ACTR10: variants seen among roughly 807,000 people sequenced by gnomAD.
ACTR10 encodes the protein actin related protein 10.
A neutral mutation model predicts 56.2 loss-of-function variants in ACTR10; 43 were observed. The ratio of observed to expected loss-of-function variants is 0.77; its 90% CI spans 0.60 to 0.99. ACTR10 has a LOEUF of 0.99. Among genes scored for constraint, ACTR10 ranks in the 50% least tolerant of loss-of-function variants. The probability of loss-of-function intolerance (pLI) is 0.00; values close to 1 mark genes in which losing one functional copy is unlikely to be tolerated. For synonymous variants in ACTR10, 170 were observed against 176.3 expected (o/e 0.96, Z 0.28); for missense variants, 466 against 507.8 (o/e 0.92, Z 0.79).
intron 12 of ACTR10, among the ~76,000 whole-genome samples, chr14:58,233,566 A>G (rs1889596395): frequency 6.6e-6 from 1 of 152,218 alleles, no homozygotes; most frequent in Admixed American, 6.5e-5. Flanking sequence ...TATTGGTAAG[A>G]CTTCTCAGTC....
chr14:58,234,322 CT>C lies in ACTR10; in HGVS notation c.1073-47del, dbSNP rs1374018038. On this transcript the variant is annotated intron_variant, in intron 12 of 12. Coordinates refer to ENST00000254286, the MANE Select transcript of ACTR10 (RefSeq NM_018477.3). ...TAGATGTATGTGTACATAAAGTTTT[CT>C]GGTAAAAGTTTTCATCTTAGCTATA... 2.0e-6 allele frequency: 3 copies of C among 1,491,568 alleles called. 1 individual carries two copies. In the South Asian group the frequency reaches 4.3e-5, roughly 21 times the overall value. 92.4% of individuals were successfully genotyped at this position (1,491,568 alleles called of 1,614,324 possible). A position where few individuals can be genotyped will look rare whatever the true frequency, so the allele number is the denominator to read the frequency against.
chr14:58,200,310 G>A lies in ACTR10; in HGVS notation c.77+16G>A, dbSNP rs1850352624. 1.3e-6 allele frequency: 2 copies of A among 1,492,108 alleles called. No homozygotes were observed. The highest frequency in any genetic ancestry group is 1.3e-5 in the South Asian group (1 of 75,608). The allele number at this position is 1,492,108 out of a possible 1,614,324, so 92.4% of individuals were successfully genotyped here. A position where few individuals can be genotyped will look rare whatever the true frequency, so the allele number is the denominator to read the frequency against. Reference sequence around the variant, plus strand: ...CCTTTACCAAGTGAGTGGCCGTGACGCCAGCTGTGTTCGACCCGAGGGGAG... The same window carrying A: ...CCTTTACCAAGTGAGTGGCCGTGACACCAGCTGTGTTCGACCCGAGGGGAG... On this transcript the variant is annotated intron_variant, in intron 1 of 12. Coordinates refer to ENST00000254286, the MANE Select transcript of ACTR10 (RefSeq NM_018477.3).
intron 3 of ACTR10, among the ~76,000 whole-genome samples, chr14:58,208,447 T>G (rs1262290666): frequency 6.6e-6 from 1 of 152,144 alleles, no homozygotes; most frequent in African/African-American, 2.4e-5. Context: ...AATACAAACT[T>G]CTATCAGTGA....
chr14:58,222,156 T>G (rs1414948118), intron 8 of ACTR10, among the ~76,000 whole-genome samples: 1 of 151,898 alleles, frequency 6.6e-6, no homozygotes, highest in Non-Finnish European at 1.5e-5. Flanking sequence ...ATATATATTA[T>G]ACACAATTCT....
In ACTR10 at chr14:58,209,176, A is replaced by C. The variant is rs796646513; in HGVS notation, c.342+69A>C. On this transcript the variant is annotated intron_variant, in intron 4 of 12. Coordinates refer to ENST00000254286, the MANE Select transcript of ACTR10 (RefSeq NM_018477.3). ...AAAGAGAAGCAATAAAATTCTTACC[A>C]ATTTTTAGGGAATCTTTCTTCTCTT... 5.5e-6 allele frequency: 6 copies of C among 1,100,618 alleles called. 1 individual carries two copies. In the African/African-American group the frequency reaches 9.5e-5, roughly 17 times the overall value. 68.2% of individuals were successfully genotyped at this position (1,100,618 alleles called of 1,614,324 possible). A position where few individuals can be genotyped will look rare whatever the true frequency, so the allele number is the denominator to read the frequency against.
intron 8 of ACTR10, among the ~76,000 whole-genome samples, chr14:58,222,914 G>C (rs1260775114): frequency 2.0e-5 from 3 of 151,930 alleles, no homozygotes; most frequent in East Asian, 1.9e-4. Context: ...GAGGGAGAAA[G>C]AAAATCTGGT....
chr14:58,223,746 CAT>C (rs994759195), intron 9 of ACTR10, 35 bp from the exon 10 acceptor site: 17 of 1,605,240 alleles, frequency 1.1e-5, no homozygotes, highest in African/African-American at 5.4e-5. Context: ...AAGGTTACAA[CAT>C]GTGTGGACTT....
At chr14:58,214,053 T>C (rs1022216030) in intron 6 of ACTR10, among the ~76,000 whole-genome samples, 1 of 152,222 alleles carries the variant, frequency 6.6e-6, no homozygotes, top group Non-Finnish European at 1.5e-5. Context: ...TTTTAAAATG[T>C]ACAATTAAGT....
At chr14:58,215,170 T>C in intron 6 of ACTR10, 35 bp from the exon 7 acceptor site, 1 of 1,333,758 alleles carries the variant, frequency 7.5e-7, no homozygotes, top group Non-Finnish European at 1.0e-6. Flanking sequence ...AGTTTCAATA[T>C]TTTCATTCCA....
At chr14:58,212,933 C>G (rs555406837) in intron 5 of ACTR10, 2 of 152,202 alleles carry the variant, frequency 1.3e-5, no homozygotes, top group South Asian at 2.1e-4. Context: ...GCCTGCCCAA[C>G]TTGTCAAAAC....
chr14:58,226,820 G>A (rs1181289395), intron 10 of ACTR10, among the ~76,000 whole-genome samples: 3 of 152,108 alleles, frequency 2.0e-5, no homozygotes, highest in Non-Finnish European at 2.9e-5. Flanking sequence ...AGCTGGTCTC[G>A]AACTCCCGAC....
In ACTR10 at chr14:58,234,469, A is replaced by G. The variant is rs141472047; in HGVS notation, c.1172A>G (p.Asn391Ser). The G allele has an allele frequency of 3.2e-5, 52 of 1,613,690 alleles. 1 individual carries two copies. The highest frequency in any genetic ancestry group is 3.2e-4 in the Admixed American group (19 of 60,004). The change falls in exon 13 of 13, where the codon AAT becomes AGT. Residue 391 changes from asparagine to serine, a missense_variant. Coordinates refer to ENST00000254286, the MANE Select transcript of ACTR10 (RefSeq NM_018477.3). ...CGTATACCTGATTGGTGTTCTCTCA[A>G]TAACCCACCTTTGGAAATGATGTTT... is the stretch of plus-strand genomic sequence containing the variant. Reference protein sequence around the residue: ...TGRIPDWCSLNNPPLEMMFDV... With the variant: ...TGRIPDWCSLSNPPLEMMFDV...
intron 10 of ACTR10, among the ~76,000 whole-genome samples, chr14:58,226,055 G>A (rs1161753018): frequency 6.6e-6 from 1 of 151,900 alleles, no homozygotes; most frequent in Non-Finnish European, 1.5e-5. Context: ...AGGTGGAGGT[G>A]GGAGGATACC....
chr14:58,227,166 C>CTTTTTTTTTTT (rs10542034), intron 10 of ACTR10, among the ~76,000 whole-genome samples: 1 of 146,578 alleles, frequency 6.8e-6, no homozygotes, highest in Non-Finnish European at 1.5e-5. Context: ...TGATTTCCAG[C>CTTTTTTTTTTT]TTTTTTTTTT....
In ACTR10 at chr14:58,232,047, T is replaced by G. The variant is rs772397108; in HGVS notation, c.871-19T>G. On this transcript the variant is annotated intron_variant, in intron 11 of 12. Coordinates refer to ENST00000254286, the MANE Select transcript of ACTR10 (RefSeq NM_018477.3). ...GTACAGTTCAGAATAAATCCTTCTT[T>G]TTTTCTTTTTAATAACAGTGTCCGA... is the stretch of plus-strand genomic sequence containing the variant. The G allele has an allele frequency of 6.3e-7, 1 of 1,579,282 alleles. No individual in the cohort carries two copies. Among genetic ancestry groups the G allele is most frequent in the South Asian group, 1.1e-5 (1 of 86,968 alleles).
rs17832891 is a variant in ACTR10, at chr14:58,211,339, G to A, written c.390G>A (p.Thr130=). The A allele has an allele frequency of 0.034, 54,537 of 1,613,286 alleles. 1,098 individuals carry two copies. Among genetic ancestry groups the A allele is most frequent in the Middle Eastern group, 0.054 (330 of 6,058 alleles). The change falls in exon 5 of 13, where the codon ACG becomes ACA. Residue 130 remains threonine (T), a synonymous_variant. Transcript: ENST00000254286. ...CAAGTCATCTAATGGCTCTTCTGAC[G>A]CTTGGAATTAATTCTGCCATGGTCC... is the stretch of plus-strand genomic sequence containing the variant. ...LAPSHLMALL[T]LGINSAMVLD...
intron 12 of ACTR10, among the ~76,000 whole-genome samples, chr14:58,233,718 T>A (rs1889600262): frequency 6.6e-6 from 1 of 152,220 alleles, no homozygotes; most frequent in Non-Finnish European, 1.5e-5. Context: ...CAATCATGAA[T>A]ATGTACATTT....
chr14:58,232,947 C>T (rs1397315852), intron 12 of ACTR10, among the ~76,000 whole-genome samples: 4 of 150,862 alleles, frequency 2.7e-5, no homozygotes, highest in East Asian at 3.9e-4. Flanking sequence ...CCCAGCTCAC[C>T]GCAACCTCTG....
Position 58,213,673 on chromosome 14 carries a change from C to A in ACTR10, c.493C>A (p.Pro165Thr). ...AGTTCTAAATTGTTGGGGAGCACTACCCCTAGGAGGAAAAGCTCTTCACAA... is the reference window on the plus strand; with the variant it reads ...AGTTCTAAATTGTTGGGGAGCACTAACCCTAGGAGGAAAAGCTCTTCACAA... ...IPVLNCWGAL[P>T]LGGKALHKEL... The change falls in exon 6 of 13, where the codon CCC becomes ACC. Residue 165 changes from proline (P) to threonine (T), a missense_variant. By Grantham distance (38) the Pro-to-Thr change is conservative (BLOSUM62 -1). Coordinates refer to ENST00000254286, the MANE Select transcript of ACTR10 (RefSeq NM_018477.3). 6.2e-7 allele frequency: 1 copy of A among 1,612,494 alleles called. No individual in the cohort carries two copies. Among genetic ancestry groups the A allele is most frequent in the African/African-American group, 1.3e-5 (1 of 74,972 alleles).
Sources: allele counts gnomAD v4.1 joint callset (sites outside exome capture counted in the v4.1 genomes callset), GRCh38; gene constraint gnomAD v4.1.1; transcripts MANE v1.5; gene names NCBI Gene and HGNC (gene_info 2026-07-23, HGNC 2026-07-21).